CEPT1: variants seen among roughly 807,000 people sequenced by gnomAD.
The protein encoded by CEPT1 is choline/ethanolamine phosphotransferase 1.
Under a neutral mutation model 42.6 loss-of-function variants are expected in CEPT1, and 7 were observed. The ratio of observed to expected loss-of-function variants is 0.16; its 90% confidence interval spans 0.09 to 0.31. The LOEUF (loss-of-function observed/expected upper bound fraction) is 0.31. Among genes scored for constraint, CEPT1 ranks in the 10% least tolerant of loss-of-function variants. CEPT1 has a pLI of 1.00. For synonymous variants in CEPT1, 171 were observed against 171.9 expected (o/e 0.99, Z 0.04); for missense variants, 306 against 502.1 (o/e 0.61, Z 3.73).
chr1:111,146,587 C>T (rs1654981105), intron 1 of CEPT1, among the ~76,000 whole-genome samples: 2 of 152,082 alleles, frequency 1.3e-5, no homozygotes, highest in East Asian at 3.9e-4. Context: ...AGGCCCTCAC[C>T]ACTTCAAACC....
intron 3 of CEPT1, chr1:111,160,264 TAAAATC>T (rs1178606871): frequency 1.3e-5 from 2 of 152,222 alleles, no homozygotes; most frequent in African/African-American, 4.8e-5. Flanking sequence ...AAAAGACACT[TAAAATC>T]TAAATGACAG....
chr1:111,167,211 G>A (rs1656186026), intron 4 of CEPT1: 1 of 985,006 alleles, frequency 1.0e-6, no homozygotes, highest in Admixed American at 6.1e-5. Context: ...GAATATTCAT[G>A]CTATCTGATG....
chr1:111,149,803 A>G, intron 2 of CEPT1, among the ~76,000 whole-genome samples: 1 of 152,204 alleles, frequency 6.6e-6, no homozygotes, highest in East Asian at 1.9e-4. Flanking sequence ...CTCCAGTACT[A>G]AACTAGTTCT....
At chr1:111,165,585 A>G (rs777328264) in intron 4 of CEPT1, among the ~76,000 whole-genome samples, 33 of 152,230 alleles carry the variant, frequency 2.2e-4, no homozygotes, top group Non-Finnish European at 3.1e-4. Context: ...AATAAGCTTT[A>G]GATGATCTAT....
At position 111,161,245 on chromosome 1, in the gene CEPT1, T is replaced by C; in HGVS notation, c.578T>C (p.Phe193Ser). The C allele has an allele frequency of 6.2e-7, 1 of 1,614,018 alleles. No homozygotes were observed. The highest frequency in any genetic ancestry group is 8.5e-7 in the Non-Finnish European group (1 of 1,179,938). ...TGTTGTTTTGCGGGGACATTTATGT[T>C]CTATTGTGCGCACTGGCAAACGTAT... ...FFCCFAGTFM[F>S]YCAHWQTYVS... is the part of the protein sequence containing the mutation. The change falls in exon 4 of 9, where the codon TTC becomes TCC. Residue 193 changes from phenylalanine to serine, a missense_variant. Transcript: ENST00000357172.
At position 111,182,910 on chromosome 1, in the gene CEPT1, A is replaced by G. The variant is rs760489127; in HGVS notation, c.958A>G (p.Ile320Val). ...TTTTGAAAAGCATCCCTGTCTTTATATACTGACATTTGGTTTTGTGTCTGC... is the reference window on the plus strand; with the variant it reads ...TTTTGAAAAGCATCCCTGTCTTTATGTACTGACATTTGGTTTTGTGTCTGC... Reference protein sequence around the residue: ...QLFEKHPCLYILTFGFVSAKI... With the variant: ...QLFEKHPCLYVLTFGFVSAKI... Residue 320 changes from isoleucine to valine, a missense_variant, in exon 7 of 9, where the codon ATA becomes GTA. Around this residue, in one of 2 missense-constraint regions of CEPT1, gnomAD observed 253 missense variants for 447.3 expected, o/e 0.57. Transcript: ENST00000357172. 8 of 1,613,714 alleles carry G rather than the reference A, an allele frequency of 5.0e-6. No homozygotes were observed. In the African/African-American group the frequency reaches 6.7e-5, roughly 13 times the overall value.
intron 5 of CEPT1, chr1:111,181,780 A>G (rs1328025384): frequency 6.5e-6 from 1 of 152,812 alleles, no homozygotes; most frequent in East Asian, 1.9e-4. Context: ...ACAATTATGA[A>G]TGTTCTACAG....
chr1:111,151,441 T>C (rs1260783456), intron 2 of CEPT1, among the ~76,000 whole-genome samples: 1 of 152,216 alleles, frequency 6.6e-6, no homozygotes, highest in Non-Finnish European at 1.5e-5. Context: ...TTATACATTT[T>C]AGAGAGGCAT....
At chr1:111,159,103 C>G (rs1247780124) in intron 2 of CEPT1, among the ~76,000 whole-genome samples, 4 of 150,118 alleles carry the variant, frequency 2.7e-5, no homozygotes, top group Admixed American at 2.0e-4. Context: ...TTAGTAGAGA[C>G]GGGGTTTCAC....
At position 111,174,972 on chromosome 1, in the gene CEPT1, G is replaced by T. The variant is rs997236352; in HGVS notation, c.714+9G>T. 1 of 1,546,052 alleles carries T rather than the reference G, an allele frequency of 6.5e-7. No individual in the cohort carries two copies. The highest frequency in any genetic ancestry group is 1.4e-5 in the African/African-American group (1 of 73,426). ...CTTTTTGGCAATCTATGGTAACTTT[G>T]TTCACATTGTGTATCCCATGTAATG... is the stretch of plus-strand genomic sequence containing the variant. On this transcript the variant is annotated intron_variant, in intron 5 of 8. Transcript: ENST00000357172.
At chr1:111,175,011 GCTTGTGTTTT>G in intron 5 of CEPT1, 48 bp downstream of exon 5, 1 of 1,154,988 alleles carries the variant, frequency 8.7e-7, no homozygotes, top group Non-Finnish European at 1.3e-6. Context: ...GTTGTCTTTT[GCTTGTGTTTT>G]CTAATATGGG....
intron 4 of CEPT1, among the ~76,000 whole-genome samples, chr1:111,171,742 A>G (rs1404081022): frequency 3.3e-5 from 5 of 152,106 alleles, no homozygotes; most frequent in Non-Finnish European, 5.9e-5. Context: ...GAAATTATTT[A>G]TTTATTTATT....
chr1:111,172,747 A>G (rs1340210550), intron 4 of CEPT1, among the ~76,000 whole-genome samples: 1 of 152,236 alleles, frequency 6.6e-6, no homozygotes, highest in African/African-American at 2.4e-5. Context: ...GGCAGTTCTC[A>G]TGATTCAGAG....
chr1:111,177,017 C>T (rs935888519), intron 5 of CEPT1, among the ~76,000 whole-genome samples: 4 of 152,158 alleles, frequency 2.6e-5, no homozygotes, highest in East Asian at 1.9e-4. Flanking sequence ...ACCAGAATAC[C>T]TGTATGTTAT....
chr1:111,166,810 T>C (rs2101342630), intron 4 of CEPT1, among the ~76,000 whole-genome samples: 1 of 152,310 alleles, frequency 6.6e-6, no homozygotes, highest in East Asian at 1.9e-4. Context: ...CACTACTAGG[T>C]AATTAGAGTT....
intron 4 of CEPT1, among the ~76,000 whole-genome samples, chr1:111,168,408 GA>G (rs1307219956): frequency 3.5e-4 from 49 of 139,346 alleles, no homozygotes; most frequent in Admixed American, 2.9e-4. Flanking sequence ...CGCCTGCCCT[GA>G]AAAAAAAAAA....
chr1:111,159,070 C>T (rs1027287190), intron 2 of CEPT1, among the ~76,000 whole-genome samples: 20 of 150,874 alleles, frequency 1.3e-4, no homozygotes, highest in African/African-American at 3.9e-4. Context: ...CCCGCCACTA[C>T]GCCCGGCTAA....
chr1:111,174,961 A>G lies in CEPT1; in HGVS notation c.712A>G (p.Met238Val), dbSNP rs147309153. 3.0e-5 allele frequency: 48 copies of G among 1,593,708 alleles called. No individual in the cohort carries two copies. Among genetic ancestry groups the G allele is most frequent in the African/African-American group, 2.4e-4 (18 of 74,442 alleles). Reference sequence around the variant, plus strand: ...TGGAGGACCACCTTTTTGGCAATCTATGGTAACTTTGTTCACATTGTGTAT... The same window carrying G: ...TGGAGGACCACCTTTTTGGCAATCTGTGGTAACTTTGTTCACATTGTGTAT... ...VIGGPPFWQS[M>V]IPVLNIQMKI... Residue 238 changes from methionine (M) to valine (V), a missense_variant and splice_region_variant, in exon 5 of 9, where the codon ATG becomes GTG. Met to Val is a conservative substitution (Grantham distance 21). Around this residue, in one of 2 missense-constraint regions of CEPT1, gnomAD observed 253 missense variants for 447.3 expected, o/e 0.57. Transcript: ENST00000357172.
intron 4 of CEPT1, among the ~76,000 whole-genome samples, chr1:111,169,648 T>C (rs547270274): frequency 6.6e-6 from 1 of 152,346 alleles, no homozygotes; most frequent in South Asian, 2.1e-4. Flanking sequence ...TTTTAATACT[T>C]ATTGCTTAAA....
Sources: allele counts gnomAD v4.1 joint callset (sites outside exome capture counted in the v4.1 genomes callset), GRCh38; gene constraint gnomAD v4.1.1; regional missense constraint gnomAD v4.1.1; transcripts MANE v1.5; gene names NCBI Gene and HGNC (gene_info 2026-07-23, HGNC 2026-07-21).